Variants in TOX observed in about 807,000 individuals in gnomAD.
TOX encodes the protein thymocyte selection-associated high mobility group box protein TOX.
Under a neutral mutation model 53.7 loss-of-function variants are expected in TOX, and 11 were observed. The observed-to-expected ratio is 0.20, with a 90% CI of 0.13 to 0.34. The LOEUF is 0.34. TOX is among the 10% of genes least tolerant of loss of function. The pLI, the probability that TOX is intolerant of heterozygous loss-of-function variation, is 1.00. For missense variants in TOX, 570 were observed against 664.6 expected (o/e 0.86, Z 1.56); for synonymous variants, 225 against 245.3 (o/e 0.92, Z 0.77).
chr8:58,972,064 A>C (rs1813012041), intron 1 of TOX, among the ~76,000 whole-genome samples: 1 of 152,216 alleles, frequency 6.6e-6, no homozygotes, highest in African/African-American at 2.4e-5. Flanking sequence ...AAGTAATGAA[A>C]AGGACAAAAG....
At chr8:58,982,097 T>C (rs571032688) in intron 1 of TOX, among the ~76,000 whole-genome samples, 1 of 152,182 alleles carries the variant, frequency 6.6e-6, no homozygotes, top group African/African-American at 2.4e-5. Flanking sequence ...TGCCTCTGCA[T>C]GCACTTCTAA....
At chr8:58,822,334 G>A (rs774629239) in intron 6 of TOX, among the ~76,000 whole-genome samples, 1 of 151,880 alleles carries the variant, frequency 6.6e-6, no homozygotes, top group Admixed American at 6.6e-5. Flanking sequence ...TCTAACTTTC[G>A]GCCTTCCAGC....
chr8:58,945,334 A>G (rs1812508596), intron 2 of TOX, among the ~76,000 whole-genome samples: 1 of 152,226 alleles, frequency 6.6e-6, no homozygotes, highest in African/African-American at 2.4e-5. Flanking sequence ...TTAGAGGCTC[A>G]CTTTTGAGAC....
chr8:59,017,108 A>G (rs1465042474), intron 1 of TOX, among the ~76,000 whole-genome samples: 1 of 152,252 alleles, frequency 6.6e-6, no homozygotes, highest in Non-Finnish European at 1.5e-5. Flanking sequence ...TGCTGCCTCC[A>G]CCAGGCTGCG....
chr8:59,038,156 G>T lies in TOX; in HGVS notation c.103-78148C>A, dbSNP rs559481793. On this transcript the variant is annotated intron_variant, in intron 1 of 8. Transcript: ENST00000361421. Reference sequence around the variant, plus strand: ...GCCATAGTTAAAATGGTAAACTCAGGCAATTTATTTTAACTGAAGCCTTTA... The same window carrying T: ...GCCATAGTTAAAATGGTAAACTCAGTCAATTTATTTTAACTGAAGCCTTTA... 1.2e-4 allele frequency among the ~76,000 whole-genome samples: 18 copies of T among 152,158 alleles called. No homozygotes were observed. The South Asian group carries it at 3.7e-3, about 32-fold the overall frequency.
chr8:59,030,410 G>A (rs1814333025), intron 1 of TOX, among the ~76,000 whole-genome samples: 1 of 152,158 alleles, frequency 6.6e-6, no homozygotes, highest in South Asian at 2.1e-4. Context: ...GTTGTACATT[G>A]CTAATGAATC....
chr8:58,822,036 T>C (rs1810290093), intron 6 of TOX, among the ~76,000 whole-genome samples: 1 of 152,128 alleles, frequency 6.6e-6, no homozygotes, highest in Non-Finnish European at 1.5e-5. Flanking sequence ...AGTGCAGAGG[T>C]TGAAGTTGCC....
At chr8:58,887,718 CT>C (rs1811494211) in intron 3 of TOX, among the ~76,000 whole-genome samples, 2 of 151,916 alleles carry the variant, frequency 1.3e-5, no homozygotes, top group South Asian at 4.1e-4. Flanking sequence ...CTATTTTCTG[CT>C]CTTTAAGGTC....
chr8:58,833,022 G>GGCTA (rs1810488278), intron 5 of TOX, among the ~76,000 whole-genome samples: 1 of 152,162 alleles, frequency 6.6e-6, no homozygotes, highest in African/African-American at 2.4e-5. Context: ...TCCACGACAG[G>GGCTA]GCTAGCATTT....
At chr8:59,116,194 T>C (rs1332250059) in intron 1 of TOX, among the ~76,000 whole-genome samples, 1 of 152,194 alleles carries the variant, frequency 6.6e-6, no homozygotes, top group Non-Finnish European at 1.5e-5. Flanking sequence ...TTGACAGGTT[T>C]AAAATAAAGA....
At chr8:58,874,128 C>T (rs958618459) in intron 3 of TOX, among the ~76,000 whole-genome samples, 3 of 151,678 alleles carry the variant, frequency 2.0e-5, no homozygotes, top group African/African-American at 7.3e-5. Flanking sequence ...TTTAATCCAT[C>T]TGTGCCTGGT....
chr8:59,060,090 G>A (rs1585994114), intron 1 of TOX, among the ~76,000 whole-genome samples: 2 of 151,948 alleles, frequency 1.3e-5, no homozygotes, highest in South Asian at 2.1e-4. Context: ...ATTGTGTAAC[G>A]ATTTCCCGTT....
chr8:58,883,934 T>C (rs1252010720), intron 3 of TOX, among the ~76,000 whole-genome samples: 2 of 152,130 alleles, frequency 1.3e-5, no homozygotes, highest in Admixed American at 6.6e-5. Context: ...AGTGCAAAGG[T>C]TGTGGTTTAA....
chr8:58,876,563 T>G (rs1257878149), intron 3 of TOX, among the ~76,000 whole-genome samples: 1 of 152,170 alleles, frequency 6.6e-6, no homozygotes, highest in Non-Finnish European at 1.5e-5. Flanking sequence ...CTCAGAAAGT[T>G]TATGTGATCA....
intron 1 of TOX, among the ~76,000 whole-genome samples, chr8:58,996,047 G>A (rs150841872): frequency 1.6e-3 from 248 of 152,232 alleles, no homozygotes; most frequent in Admixed American, 8.0e-3. Flanking sequence ...TCTTCGTCCA[G>A]TTTGAACATT....
chr8:58,931,389 G>T (rs1812251281), intron 3 of TOX, among the ~76,000 whole-genome samples: 2 of 152,046 alleles, frequency 1.3e-5, no homozygotes, highest in African/African-American at 4.8e-5. Flanking sequence ...TTGAGGAAAG[G>T]TTAAAGGAAT....
chr8:58,869,371 A>G (rs1003585874), intron 3 of TOX, among the ~76,000 whole-genome samples: 1 of 152,170 alleles, frequency 6.6e-6, no homozygotes, highest in Non-Finnish European at 1.5e-5. Flanking sequence ...ATCCCAAATA[A>G]TCCTTTACTT....
chr8:58,826,143 A>G (rs925946887), intron 6 of TOX, among the ~76,000 whole-genome samples: 3 of 152,228 alleles, frequency 2.0e-5, no homozygotes, highest in African/African-American at 7.2e-5. Flanking sequence ...GGGAAATGGG[A>G]TGAAGTCCAG....
chr8:59,029,966 T>A (rs547379853), intron 1 of TOX, among the ~76,000 whole-genome samples: 1 of 152,176 alleles, frequency 6.6e-6, no homozygotes, highest in African/African-American at 2.4e-5. Flanking sequence ...GTTTCTCTCA[T>A]CTTCTGATTG....
Sources: gnomAD v4.1 joint callset for allele counts (sites outside exome capture counted in the v4.1 genomes callset) on GRCh38, gnomAD v4.1.1 for gene constraint, MANE v1.5 for transcripts, NCBI Gene and HGNC (gene_info 2026-07-23, HGNC 2026-07-21) for gene names.